PRSS53: variants seen among roughly 807,000 people sequenced by gnomAD.
PRSS53 encodes the protein EDTP308.
In PRSS53, 54 loss-of-function variants were observed where a neutral mutation model predicts 62.7. The observed-to-expected ratio is 0.86, with a 90% CI of 0.69 to 1.08. The LOEUF (loss-of-function observed/expected upper bound fraction) is 1.08. Ranked by LOEUF, PRSS53 falls within the 50% of genes least tolerant of loss-of-function variation. PRSS53 has a pLI of 0.00. For synonymous variants in PRSS53, 273 were observed against 300.0 expected (o/e 0.91, Z 0.93); for missense variants, 688 against 728.3 (o/e 0.94, Z 0.64).
At chr16:31,088,274 G>T in intron 1 of PRSS53, 1 of 1,134,052 alleles carries the variant, frequency 8.8e-7, no homozygotes, top group Non-Finnish European at 1.1e-6. Context: ...ACCTCACCCT[G>T]GTCTAGAGAC....
At position 31,086,623 on chromosome 16, in the gene PRSS53, C is replaced by T; in HGVS notation, c.508+10G>A. 1.3e-6 allele frequency: 2 copies of T among 1,540,908 alleles called. No individual in the cohort carries two copies. Among genetic ancestry groups the T allele is most frequent in the Non-Finnish European group, 1.8e-6 (2 of 1,140,568 alleles). On this transcript the variant is annotated intron_variant, in intron 4 of 10. Transcript: ENST00000280606. ...TGCCTCTCCGAGCTTCAGTCTGGGC[C>T]AGCACTTACCATCACTGGTGTCCTG...
At chr16:31,088,522 C>T (rs371871863) in intron 1 of PRSS53, 1 of 1,418,286 alleles carries the variant, frequency 7.1e-7, no homozygotes, top group Non-Finnish European at 9.2e-7. Context: ...CACACACACA[C>T]AAGACCACAG....
intron 5 of PRSS53, 24 bp downstream of exon 5, chr16:31,086,313 C>T: frequency 6.3e-7 from 1 of 1,597,650 alleles, no homozygotes; most frequent in Non-Finnish European, 8.5e-7. Context: ...TCCCCTTCTG[C>T]TCCTTCTCTT....
Position 31,084,797 on chromosome 16 carries a change from C to T in PRSS53, c.1262G>A (p.Arg421Gln), listed in dbSNP as rs773359736. Residue 421 changes from arginine (R) to glutamine (Q), a missense_variant, in exon 8 of 11, where the codon CGG becomes CAG. By Grantham distance (43) the Arg-to-Gln change is conservative. Transcript: ENST00000280606. ...CCACCTACCTGCTCCTGGGCGGGCC[C>T]GTCCCAGAACCCAGCCACGCTCCCC... 28 of 1,546,432 alleles carry T rather than the reference C, an allele frequency of 1.8e-5. No homozygotes were observed. In the Admixed American group the frequency reaches 1.9e-4, roughly 10 times the overall value.
At chr16:31,087,152 C>T (rs1384710117) in intron 3 of PRSS53, 5 of 536,714 alleles carry the variant, frequency 9.3e-6, no homozygotes, top group Non-Finnish European at 1.6e-5. Context: ...CGTGCACCAC[C>T]ATGCCTGGCT....
chr16:31,086,879 T>G, exon 4 of PRSS53: 1 of 1,599,898 alleles, frequency 6.3e-7, no homozygotes, highest in Non-Finnish European at 8.5e-7. Context: ...GACCAGGAAT[T>G]CAGTTCTGTT....
At chr16:31,085,555 A>C (rs4468641) in intron 6 of PRSS53, among the ~76,000 whole-genome samples, 71,366 of 152,036 alleles carry the variant, frequency 0.47, 18,403 homozygotes, top group South Asian at 0.71. Context: ...ACCCTCCAGG[A>C]TGGGCCTGCC....
At chr16:31,085,147 C>T (rs371773654) in exon 7 of PRSS53, 2 of 1,611,990 alleles carry the variant, frequency 1.2e-6, no homozygotes, top group Non-Finnish European at 1.7e-6. Context: ...ACCGCCTCCT[C>T]TGACACCAGG....
At position 31,084,161 on chromosome 16, in the gene PRSS53, G is replaced by A. The variant is rs759043891; in HGVS notation, c.1600C>T (p.Pro534Ser). The change falls in exon 10 of 11, where the codon CCA becomes TCA. Residue 534 changes from proline to serine, a missense_variant. Pro to Ser is a moderately conservative substitution (Grantham distance 74). Transcript: ENST00000280606. The stretch of plus-strand genomic sequence containing the variant: ...CTTCCAGGCTCAGCCTCGGGCTCTG[G>A]TTCCTCGGCGAAGTAGACCTGCCAG... 1.9e-6 allele frequency: 3 copies of A among 1,599,422 alleles called. No homozygotes were observed. The South Asian group carries it at 3.4e-5, about 18-fold the overall frequency.
chr16:31,087,612 C>A (rs745542470), exon 3 of PRSS53: 7 of 1,610,830 alleles, frequency 4.3e-6, no homozygotes, highest in South Asian at 1.1e-5. Flanking sequence ...GGCTCCTTGC[C>A]TCCTCACACT....
exon 3 of PRSS53, chr16:31,087,613 T>G (rs985984285): frequency 4.3e-6 from 7 of 1,610,696 alleles, no homozygotes; most frequent in Non-Finnish European, 5.9e-6. Context: ...GCTCCTTGCC[T>G]CCTCACACTG....
intron 3 of PRSS53, chr16:31,087,230 C>G (rs1788961672): frequency 1.9e-6 from 1 of 535,134 alleles, no homozygotes; most frequent in Non-Finnish European, 3.3e-6. Context: ...CTCTTGGGCT[C>G]AAGCGATCCT....
At chr16:31,086,974 G>A in intron 3 of PRSS53, 76 bp from the exon 4 acceptor site, 6 of 1,451,942 alleles carry the variant, frequency 4.1e-6, no homozygotes, top group Non-Finnish European at 5.5e-6. Context: ...CCCACAGGTA[G>A]GTGGAAGATA....
chr16:31,085,752 T>C (rs961794263), intron 6 of PRSS53, among the ~76,000 whole-genome samples: 8 of 152,230 alleles, frequency 5.3e-5, no homozygotes, highest in South Asian at 2.1e-4. Context: ...CCAAGTCAGG[T>C]CTCAGAGATT....
At position 31,086,583 on chromosome 16, in the gene PRSS53, G is replaced by A. The variant is rs377456559; in HGVS notation, c.508+50C>T. ...GACAGTTGGGAGCTGAGACTGTGACGCTGGGCAAGCAGAGTGCCTCTCCGA... is the reference window on the plus strand; with the variant it reads ...GACAGTTGGGAGCTGAGACTGTGACACTGGGCAAGCAGAGTGCCTCTCCGA... On this transcript the variant is annotated intron_variant, in intron 4 of 10. Coordinates refer to ENST00000280606, the Ensembl canonical transcript of PRSS53. 5 of 1,550,360 alleles carry A rather than the reference G, an allele frequency of 3.2e-6. No homozygotes were observed. The South Asian group carries it at 3.7e-5, about 11-fold the overall frequency.
In PRSS53 at chr16:31,084,791, CG is replaced by C. The variant is rs1567415603; in HGVS notation, c.1267del (p.Arg423AlafsTer14). 2 of 1,549,172 alleles carry C rather than the reference CG, an allele frequency of 1.3e-6. No homozygotes were observed. Among genetic ancestry groups the C allele is most frequent in the South Asian group, 1.2e-5 (1 of 82,884 alleles). On this transcript the variant is annotated frameshift_variant, in exon 8 of 11. Transcript: ENST00000280606. LOFTEE classifies it high-confidence loss of function. ...CTGTGCCCACCTACCTGCTCCTGGGCGGGCCCGTCCCAGAACCCAGCCACGC... is the reference window on the plus strand; with the variant it reads ...CTGTGCCCACCTACCTGCTCCTGGGCGGCCCGTCCCAGAACCCAGCCACGC...
exon 6 of PRSS53, chr16:31,086,174 C>G: frequency 6.2e-7 from 1 of 1,610,880 alleles, no homozygotes; most frequent in South Asian, 1.1e-5. Flanking sequence ...ACAGGGCCCC[C>G]GGAATCTCCC....
At chr16:31,084,370 A>G (rs556565438) in intron 9 of PRSS53, 35 bp from the exon 10 acceptor site, 2 of 1,587,664 alleles carry the variant, frequency 1.3e-6, no homozygotes, top group South Asian at 1.1e-5. Flanking sequence ...GTGACTTTTT[A>G]TAGGCAGCTG....
rs1363510622 is a variant in PRSS53 at position 31,087,683 on chromosome 16, G to A, written c.96C>T (p.Gly32=). ...CCTCCTGAGGCTTGGGGGGGCCGGGGCCACGCTGTCCACAGGCTGTGGAAA... is the reference window on the plus strand; with the variant it reads ...CCTCCTGAGGCTTGGGGGGGCCGGGACCACGCTGTCCACAGGCTGTGGAAA... Residue 32 remains glycine, a synonymous_variant, in exon 3 of 11, where the codon GGC becomes GGT. Coordinates refer to ENST00000280606, the Ensembl canonical transcript of PRSS53. 3.7e-6 allele frequency: 6 copies of A among 1,612,418 alleles called. No homozygotes were observed. In the East Asian group the frequency reaches 1.3e-4, roughly 36 times the overall value.
Sources: allele counts gnomAD v4.1 joint callset (sites outside exome capture counted in the v4.1 genomes callset), GRCh38; gene constraint gnomAD v4.1.1; transcripts MANE v1.5; gene names NCBI Gene and HGNC (gene_info 2026-07-23, HGNC 2026-07-21).